RPAP2: variants seen among roughly 807,000 people sequenced by gnomAD.
The protein encoded by RPAP2 is putative RNA polymerase II subunit B1 CTD phosphatase RPAP2.
Under a neutral mutation model 73.1 loss-of-function variants are expected in RPAP2, and 52 were observed. The ratio of observed to expected loss-of-function variants is 0.71; its 90% CI spans 0.57 to 0.90. The LOEUF (loss-of-function observed/expected upper bound fraction) is 0.90. Ranked by LOEUF, RPAP2 falls within the 40% of genes least tolerant of loss-of-function variation. RPAP2 has a pLI of 0.00. For synonymous variants in RPAP2, 225 were observed against 242.1 expected (o/e 0.93, Z 0.65); for missense variants, 598 against 701.8 (o/e 0.85, Z 1.67).
chr1:92,333,736 C>G (rs1653109435), intron 9 of RPAP2, among the ~76,000 whole-genome samples: 1 of 152,068 alleles, frequency 6.6e-6, no homozygotes, highest in African/African-American at 2.4e-5. Context: ...TACCTTACTC[C>G]CACCTAATCA....
At chr1:92,339,427 G>C (rs1653475945) in intron 10 of RPAP2, among the ~76,000 whole-genome samples, 1 of 151,146 alleles carries the variant, frequency 6.6e-6, no homozygotes, top group African/African-American at 2.4e-5. Context: ...TTAATGGGTA[G>C]TCAAAGCTGA....
chr1:92,319,060 G>A (rs1290370396), intron 6 of RPAP2, among the ~76,000 whole-genome samples: 1 of 152,158 alleles, frequency 6.6e-6, no homozygotes, highest in East Asian at 1.9e-4. Context: ...AGAAAAAAGG[G>A]AGAGGTTTGT....
intron 12 of RPAP2, among the ~76,000 whole-genome samples, chr1:92,386,296 G>A (rs1655861733): frequency 6.6e-6 from 1 of 152,302 alleles, no homozygotes; most frequent in South Asian, 2.1e-4. Context: ...TATCTTAGAA[G>A]GTGTCTAGCA....
intron 11 of RPAP2, among the ~76,000 whole-genome samples, chr1:92,372,115 T>C (rs1345438687): frequency 1.3e-5 from 2 of 152,144 alleles, no homozygotes; most frequent in African/African-American, 2.4e-5. Flanking sequence ...TCCATAAATA[T>C]ATGCAATTTT....
Position 92,310,242 on chromosome 1 carries a change from C to T in RPAP2, c.488+2966C>T, listed in dbSNP as rs918362369. 3.9e-5 allele frequency among the ~76,000 whole-genome samples: 6 copies of T among 152,238 alleles called. No individual in the cohort carries two copies. The East Asian group carries it at 1.2e-3, about 29-fold the overall frequency. On this transcript the variant is annotated intron_variant, in intron 6 of 12. Coordinates refer to ENST00000610020, the MANE Select transcript of RPAP2 (RefSeq NM_024813.3). ...TTTGTGTTACCTTAATTTCCAAATT[C>T]TTAGGGGCAGGGATTATGTCCATGC...
intron 11 of RPAP2, among the ~76,000 whole-genome samples, chr1:92,376,676 C>A (rs1655398222): frequency 6.6e-6 from 1 of 152,198 alleles, no homozygotes; most frequent in Non-Finnish European, 1.5e-5. Flanking sequence ...TCCTCTAGTT[C>A]TCTAAAGCAA....
intron 10 of RPAP2, among the ~76,000 whole-genome samples, chr1:92,344,002 C>T (rs981388139): frequency 6.6e-6 from 1 of 152,196 alleles, no homozygotes; most frequent in Non-Finnish European, 1.5e-5. Flanking sequence ...TTCTTCGTTC[C>T]TCCCCAGAAG....
chr1:92,374,008 G>A (rs1655286386), intron 11 of RPAP2, among the ~76,000 whole-genome samples: 1 of 152,084 alleles, frequency 6.6e-6, no homozygotes. Flanking sequence ...TGTCTTTGCT[G>A]GTACTACACT....
At chr1:92,353,389 A>T (rs1460676537) in intron 11 of RPAP2, among the ~76,000 whole-genome samples, 1 of 152,218 alleles carries the variant, frequency 6.6e-6, no homozygotes, top group African/African-American at 2.4e-5. Flanking sequence ...TTAAAGGCTT[A>T]TATATGCAGT....
At chr1:92,330,970 T>G (rs2101216159) in intron 8 of RPAP2, among the ~76,000 whole-genome samples, 1 of 152,298 alleles carries the variant, frequency 6.6e-6, no homozygotes, top group East Asian at 1.9e-4. Flanking sequence ...AGCATGCACA[T>G]TAACATTTGA....
intron 11 of RPAP2, among the ~76,000 whole-genome samples, chr1:92,371,105 G>A (rs1300537809): frequency 6.6e-6 from 1 of 152,040 alleles, no homozygotes; most frequent in Non-Finnish European, 1.5e-5. Context: ...AGGAGTTCGA[G>A]ATCAGCCTGG....
chr1:92,317,557 A>G (rs944138462), intron 6 of RPAP2, among the ~76,000 whole-genome samples: 2 of 152,204 alleles, frequency 1.3e-5, no homozygotes, highest in South Asian at 4.1e-4. Context: ...GATTAAATGA[A>G]ATAATGTGTA....
chr1:92,308,139 C>G (rs565727918), intron 6 of RPAP2, among the ~76,000 whole-genome samples: 1 of 152,200 alleles, frequency 6.6e-6, no homozygotes, highest in South Asian at 2.1e-4. Context: ...ACACCACTCT[C>G]AATTCAAATA....
intron 7 of RPAP2, among the ~76,000 whole-genome samples, chr1:92,321,768 A>C (rs974943548): frequency 7.9e-5 from 12 of 152,090 alleles, no homozygotes; most frequent in African/African-American, 2.9e-4. Flanking sequence ...TTGATTTGCT[A>C]ACTTGTTCTG....
At position 92,395,787 on chromosome 1, in the gene RPAP2, A is replaced by G. The variant is rs1404483070; in HGVS notation, c.*8776A>G. 6.6e-6 allele frequency: 1 copy of G among 152,226 alleles called. No homozygotes were observed. Among genetic ancestry groups the G allele is most frequent in the East Asian group, 1.9e-4 (1 of 5,204 alleles). The allele number at this position is 152,226 out of a possible 1,614,324, so 9.4% of individuals were successfully genotyped here. On this transcript the variant is annotated 3_prime_UTR_variant, in exon 13 of 13. Coordinates refer to ENST00000610020, the MANE Select transcript of RPAP2 (RefSeq NM_024813.3). ...AATAAGGCAGACAACTTAAAAATGGACAAAATGTTTGAATAGATATTTCAG... is the reference window on the plus strand; with the variant it reads ...AATAAGGCAGACAACTTAAAAATGGGCAAAATGTTTGAATAGATATTTCAG...
At chr1:92,356,440 C>G (rs1407093426) in intron 11 of RPAP2, among the ~76,000 whole-genome samples, 1 of 151,870 alleles carries the variant, frequency 6.6e-6, no homozygotes, top group Non-Finnish European at 1.5e-5. Flanking sequence ...TTTTTTGAGA[C>G]AGAATCTCTC....
rs10637843 is a variant in RPAP2 at position 92,399,434 on chromosome 1, G to GAT, written c.*12424_*12425insTA. 0.74 allele frequency: 112,359 copies of GAT among 151,900 alleles called. 42,930 individuals are homozygous for GAT. The highest frequency in any genetic ancestry group is 0.97 in the East Asian group (4,993 of 5,164). The allele number at this position is 151,900 out of a possible 1,614,324, so 9.4% of individuals were successfully genotyped here. A position where few individuals can be genotyped will look rare whatever the true frequency, so the allele number is the denominator to read the frequency against. ...TCATAAGGACTTGTGACAAAAATAA[G>GAT]AGCAATAAAATGAAGTTTTAACAGT... On this transcript the variant is annotated 3_prime_UTR_variant, in exon 13 of 13. Coordinates refer to ENST00000610020, the MANE Select transcript of RPAP2 (RefSeq NM_024813.3).
rs764272932 is a variant in RPAP2, at chr1:92,380,908, C to A, written c.1838+35C>A. 1.5e-5 allele frequency: 23 copies of A among 1,500,926 alleles called. No individual in the cohort carries two copies. In the South Asian group the frequency reaches 2.8e-4, roughly 19 times the overall value. 93.0% of individuals were successfully genotyped at this position (1,500,926 alleles called of 1,614,324 possible). A position where few individuals can be genotyped will look rare whatever the true frequency, so the allele number is the denominator to read the frequency against. On this transcript the variant is annotated intron_variant, in intron 12 of 12. Transcript: ENST00000610020. ...ATTGTGTTTTATTTTGGTTTTTATT[C>A]TTCATTTGTTGCCTATGTGGATTCT...
chr1:92,375,691 T>C (rs1655354751), intron 11 of RPAP2, among the ~76,000 whole-genome samples: 1 of 151,992 alleles, frequency 6.6e-6, no homozygotes, highest in Admixed American at 6.6e-5. Flanking sequence ...ATTAGCTGGG[T>C]GTGGTAGCGG....
Sources: gnomAD v4.1 joint callset for allele counts (sites outside exome capture counted in the v4.1 genomes callset) on GRCh38, gnomAD v4.1.1 for gene constraint, MANE v1.5 for transcripts, NCBI Gene and HGNC (gene_info 2026-07-23, HGNC 2026-07-21) for gene names.